KCNN2: variants seen among roughly 807,000 people sequenced by gnomAD.
KCNN2 encodes small conductance calcium-activated potassium channel protein 2.
A neutral mutation model predicts 55.5 loss-of-function variants in KCNN2; 24 were observed. That is an observed-to-expected ratio of 0.43 (90% CI 0.31 to 0.61). The LOEUF is 0.61. Ranked by LOEUF, KCNN2 falls within the 20% of genes least tolerant of loss-of-function variation. The pLI, the probability that KCNN2 is intolerant of heterozygous loss-of-function variation, is 0.08. For missense variants in KCNN2, 754 were observed against 853.6 expected (o/e 0.88, Z 1.45); for synonymous variants, 431 against 336.1 (o/e 1.28, Z -3.09).
chr5:114,286,008 G>C (rs114151512), intron 2 of KCNN2, among the ~76,000 whole-genome samples: 1 of 150,240 alleles, frequency 6.7e-6, no homozygotes, highest in Non-Finnish European at 1.5e-5. Flanking sequence ...CAACCTCCTC[G>C]TCCTGGGTTC....
rs550077676 is a variant in KCNN2 at position 114,328,493 on chromosome 5, C to T, written c.-184-32452C>T. 7.9e-5 allele frequency among the ~76,000 whole-genome samples: 12 copies of T among 152,310 alleles called. No individual in the cohort carries two copies. In the South Asian group the frequency reaches 1.7e-3, roughly 21 times the overall value. ...AAATGTGCAGGAAAGCTCATATTTC[C>T]ATCTCTCCACTCTCATTCTCCCTTG... On this transcript the variant is annotated intron_variant, in intron 2 of 10. Transcript: ENST00000512097.
chr5:114,350,054 G>T, intron 2 of KCNN2, among the ~76,000 whole-genome samples: 1 of 151,354 alleles, frequency 6.6e-6, no homozygotes, highest in African/African-American at 2.4e-5. Context: ...TGTCTTCTTT[G>T]GATAAATGTC....
chr5:114,318,735 T>A (rs1010231675), intron 2 of KCNN2, among the ~76,000 whole-genome samples: 12 of 152,116 alleles, frequency 7.9e-5, no homozygotes, highest in African/African-American at 2.9e-4. Context: ...ACTAAATTTA[T>A]ACACTGTGGG....
intron 2 of KCNN2, among the ~76,000 whole-genome samples, chr5:114,293,360 C>T (rs1188871699): frequency 3.3e-5 from 5 of 152,058 alleles, no homozygotes; most frequent in East Asian, 1.9e-4. Context: ...TTTTGAGATA[C>T]GTCCCATCAG....
intron 2 of KCNN2, among the ~76,000 whole-genome samples, chr5:114,339,366 C>A (rs1219897337): frequency 6.6e-6 from 1 of 152,176 alleles, no homozygotes; most frequent in Non-Finnish European, 1.5e-5. Context: ...CCAGAAGATG[C>A]AAACTGGTAT....
chr5:114,467,202 C>G (rs1761492528), intron 4 of KCNN2, among the ~76,000 whole-genome samples: 1 of 152,150 alleles, frequency 6.6e-6, no homozygotes, highest in South Asian at 2.1e-4. Flanking sequence ...TGTTCCAAAA[C>G]AGCACGAATT....
At chr5:114,245,597 T>C (rs755632027) in intron 2 of KCNN2, among the ~76,000 whole-genome samples, 5 of 152,216 alleles carry the variant, frequency 3.3e-5, no homozygotes, top group Non-Finnish European at 7.3e-5. Context: ...GATGAATTGC[T>C]TGCCTGTCTG....
chr5:114,144,916 C>T (rs977999523), intron 1 of KCNN2, among the ~76,000 whole-genome samples: 62 of 151,984 alleles, frequency 4.1e-4, no homozygotes, highest in South Asian at 2.7e-3. Flanking sequence ...GACCTTTTGA[C>T]GATTGCCATA....
intron 1 of KCNN2, among the ~76,000 whole-genome samples, chr5:114,156,849 G>C (rs2112524568): frequency 6.6e-6 from 1 of 152,052 alleles, no homozygotes; most frequent in Non-Finnish European, 1.5e-5. Flanking sequence ...GTCCATGTTA[G>C]TTCCTTTTCT....
At position 114,363,134 on chromosome 5, in the gene KCNN2, A is replaced by G. The variant is rs767264485; in HGVS notation, c.995A>G (p.Lys332Arg). The G allele has an allele frequency of 3.0e-5, 49 of 1,613,354 alleles. No individual in the cohort carries two copies. The highest frequency in any genetic ancestry group is 3.8e-5 in the Non-Finnish European group (45 of 1,180,002). The change falls in exon 1 of 8, where the codon AAG (lysine) becomes AGG (arginine). Residue 332 changes from lysine to arginine, a missense_variant. Physicochemically the swap from Lys to Arg is conservative, Grantham distance 26. Around this residue, in one of 4 missense-constraint regions of KCNN2, gnomAD observed 123 missense variants for 204.9 expected, o/e 0.60. Transcript: ENST00000673685. ...SKKKNQNIGY[K>R]LGHRRALFEK... ...AAGAAAAACCAGAACATCGGCTACAAGCTGGGCCACCGGCGCGCCCTGTTC... is the reference window on the plus strand; with the variant it reads ...AAGAAAAACCAGAACATCGGCTACAGGCTGGGCCACCGGCGCGCCCTGTTC...
At chr5:114,332,616 A>G (rs1002012233) in intron 2 of KCNN2, among the ~76,000 whole-genome samples, 1 of 152,100 alleles carries the variant, frequency 6.6e-6, no homozygotes, top group Non-Finnish European at 1.5e-5. Flanking sequence ...CTGTCTGGCC[A>G]CCCTGCAGTT....
intron 5 of KCNN2, among the ~76,000 whole-genome samples, chr5:114,482,949 A>G (rs1400654656): frequency 6.6e-6 from 1 of 152,036 alleles, no homozygotes; most frequent in Non-Finnish European, 1.5e-5. Context: ...TAGCTGGGTG[A>G]TGGAATGATC....
At chr5:114,234,527 C>T (rs1561533914) in intron 2 of KCNN2, among the ~76,000 whole-genome samples, 1 of 152,186 alleles carries the variant, frequency 6.6e-6, no homozygotes, top group Non-Finnish European at 1.5e-5. Context: ...TCAAGCAAAA[C>T]ATATTCCAAA....
intron 3 of KCNN2, among the ~76,000 whole-genome samples, chr5:114,406,472 GT>G (rs1254509332): frequency 6.7e-6 from 1 of 149,874 alleles, no homozygotes; most frequent in Non-Finnish European, 1.5e-5. Flanking sequence ...TGTTATTACT[GT>G]ATAAACTGCA....
At chr5:114,139,556 T>C (rs73779707) in intron 1 of KCNN2, among the ~76,000 whole-genome samples, 1,568 of 149,680 alleles carry the variant, frequency 0.01, 24 homozygotes, top group African/African-American at 0.036. Flanking sequence ...AGTGGCTGAA[T>C]AGATATTATA....
chr5:114,433,765 G>C (rs1255251361), intron 3 of KCNN2: 2 of 153,456 alleles, frequency 1.3e-5, no homozygotes, highest in East Asian at 3.8e-4. Flanking sequence ...TCCTGAGCCA[G>C]CGAGACCAGG....
At chr5:114,283,665 A>G (rs1339971289) in intron 2 of KCNN2, among the ~76,000 whole-genome samples, 2 of 152,210 alleles carry the variant, frequency 1.3e-5, no homozygotes, top group East Asian at 1.9e-4. Flanking sequence ...GACTTGGAAT[A>G]TACCTTCTTC....
chr5:114,494,412 CAGTA>C (rs1316778186), intron 7 of KCNN2, among the ~76,000 whole-genome samples: 9 of 149,734 alleles, frequency 6.0e-5, no homozygotes, highest in African/African-American at 2.2e-4. Context: ...ATGTTGAAGA[CAGTA>C]AGTATTTAAT....
At chr5:114,408,410 G>GTTTTT (rs1387204792) in intron 3 of KCNN2, among the ~76,000 whole-genome samples, 2 of 151,890 alleles carry the variant, frequency 1.3e-5, no homozygotes, top group Non-Finnish European at 2.9e-5. Context: ...GTCTCTGAAC[G>GTTTTT]TTTTTTTAGA....
Sources: allele counts gnomAD v4.1 joint callset (sites outside exome capture counted in the v4.1 genomes callset), GRCh38; gene constraint gnomAD v4.1.1; regional missense constraint gnomAD v4.1.1; transcripts MANE v1.5; gene names NCBI Gene and HGNC (gene_info 2026-07-23, HGNC 2026-07-21).